The following PTBP2 variants were observed in gnomAD, a reference collection of about 807,000 sequenced individuals.
PTBP2 encodes polypyrimidine tract binding protein 2, also known as polypyrimidine tract-binding protein 2.
Under a neutral mutation model 61.4 loss-of-function variants are expected in PTBP2, and 13 were observed. That is an observed-to-expected ratio of 0.21 (90% CI 0.14 to 0.34). The LOEUF (loss-of-function observed/expected upper bound fraction) is 0.34. PTBP2 is among the 10% of genes least tolerant of loss of function. The pLI is 1.00. For missense variants in PTBP2, 405 were observed against 642.6 expected (o/e 0.63, Z 4.00); for synonymous variants, 215 against 218.5 (o/e 0.98, Z 0.14).
chr1:96,770,837 A>G lies in PTBP2; in HGVS notation c.418A>G (p.Asn140Asp), dbSNP rs780506244. ...GAATCACAAAGAACTAAAGACAGAT[A>G]ATACATTAAACCAAGTAAGTATGTG... ...YSNHKELKTD[N>D]TLNQRAQAVL... The change falls in exon 5 of 14, where the codon AAT becomes GAT. Residue 140 changes from asparagine (N) to aspartate (D), a missense_variant. By Grantham distance (23) the Asn-to-Asp change is conservative. Coordinates refer to ENST00000674951, the MANE Select transcript of PTBP2 (RefSeq NM_021190.4). The G allele has an allele frequency of 5.1e-6, 8 of 1,578,580 alleles. No individual in the cohort carries two copies. The highest frequency in any genetic ancestry group is 8.7e-7 in the Non-Finnish European group (1 of 1,148,138).
At chr1:96,734,903 CTTTT>C (rs369053938) in intron 2 of PTBP2, among the ~76,000 whole-genome samples, 32 of 124,956 alleles carry the variant, frequency 2.6e-4, no homozygotes, top group East Asian at 9.0e-4. Context: ...CTTTTTTTTT[CTTTT>C]TTTTTTTTTT....
intron 5 of PTBP2, among the ~76,000 whole-genome samples, chr1:96,771,755 G>C (rs955429175): frequency 6.6e-6 from 1 of 151,740 alleles, no homozygotes; most frequent in Admixed American, 6.6e-5. Flanking sequence ...ACAAATAATT[G>C]TTTATACTTA....
At chr1:96,813,230 T>G in intron 13 of PTBP2, 46 bp from the exon 14 acceptor site, 2 of 1,564,988 alleles carry the variant, frequency 1.3e-6, no homozygotes, top group South Asian at 2.4e-5. Flanking sequence ...AATAAGCCCT[T>G]TCTAATTTGT....
At position 96,770,791 on chromosome 1, in the gene PTBP2, A is replaced by G; in HGVS notation, c.372A>G (p.Gln124=). The change falls in exon 5 of 14, where the codon CAA becomes CAG. Residue 124 remains glutamine, a synonymous_variant. Transcript: ENST00000674951. The part of the protein sequence containing the change: ...YSAVTPHLRN[Q]PIYIQYSNHK... ...CTGTGACACCTCATCTTCGTAACCAACCAATATATATCCAGTACTCGAATC... is the reference window on the plus strand; with the variant it reads ...CTGTGACACCTCATCTTCGTAACCAGCCAATATATATCCAGTACTCGAATC... 3 of 1,591,806 alleles carry G rather than the reference A, an allele frequency of 1.9e-6. No homozygotes were observed. Among genetic ancestry groups the G allele is most frequent in the Admixed American group, 1.7e-5 (1 of 59,972 alleles).
At chr1:96,795,350 C>T (rs1284446099) in intron 8 of PTBP2, among the ~76,000 whole-genome samples, 2 of 152,070 alleles carry the variant, frequency 1.3e-5, no homozygotes, top group Non-Finnish European at 2.9e-5. Flanking sequence ...AGTAATAGGA[C>T]TTGGCATCTT....
At chr1:96,764,327 A>G (rs1656402214) in intron 3 of PTBP2, among the ~76,000 whole-genome samples, 1 of 152,218 alleles carries the variant, frequency 6.6e-6, no homozygotes, top group African/African-American at 2.4e-5. Flanking sequence ...ATATTTCAAA[A>G]ATACAACTGT....
chr1:96,729,211 A>G (rs1445589209), intron 2 of PTBP2, among the ~76,000 whole-genome samples: 1 of 152,090 alleles, frequency 6.6e-6, no homozygotes, highest in African/African-American at 2.4e-5. Flanking sequence ...CAGTTGAGGC[A>G]GGGTTTCACC....
intron 7 of PTBP2, among the ~76,000 whole-genome samples, chr1:96,780,811 G>C (rs1658569982): frequency 6.6e-6 from 1 of 152,040 alleles, no homozygotes; most frequent in Non-Finnish European, 1.5e-5. Context: ...TCTTCAAACA[G>C]TGTGTTCAAT....
chr1:96,780,363 T>G (rs2101053690), intron 7 of PTBP2, among the ~76,000 whole-genome samples: 1 of 152,064 alleles, frequency 6.6e-6, no homozygotes, highest in East Asian at 1.9e-4. Flanking sequence ...CTGCCTCCCC[T>G]CTCCCTTTTC....
At chr1:96,782,792 AT>A (rs1202113897) in intron 7 of PTBP2, among the ~76,000 whole-genome samples, 1 of 152,054 alleles carries the variant, frequency 6.6e-6, no homozygotes, top group East Asian at 1.9e-4. Context: ...GATGAGAAAA[AT>A]GGAAATAGTT....
intron 4 of PTBP2, among the ~76,000 whole-genome samples, chr1:96,770,347 A>G (rs1233667526): frequency 6.6e-6 from 1 of 152,078 alleles, no homozygotes; most frequent in Non-Finnish European, 1.5e-5. Context: ...TTGTCTCTAT[A>G]TAATTATACT....
rs567111054 is a variant in PTBP2, at chr1:96,732,632, A to C, written c.39+9038A>C. 7.4e-4 allele frequency among the ~76,000 whole-genome samples: 113 copies of C among 152,360 alleles called. 1 individual carries two copies. Among genetic ancestry groups the C allele is most frequent in the South Asian group, 5.0e-3 (24 of 4,830 alleles). On this transcript the variant is annotated intron_variant, in intron 2 of 13. Coordinates refer to ENST00000674951, the MANE Select transcript of PTBP2 (RefSeq NM_021190.4). ...GTCTTTTAGGACTTTAGTTAGAGAA[A>C]TAAGGACTCAAGGTTTTAATTAAGT...
chr1:96,813,226 C>G, intron 13 of PTBP2, 50 bp from the exon 14 acceptor site: 2 of 1,560,120 alleles, frequency 1.3e-6, no homozygotes, highest in Non-Finnish European at 1.7e-6. Context: ...ATTTAATAAG[C>G]CCTTTCTAAT....
At chr1:96,722,841 CAT>C (rs900110652) in intron 1 of PTBP2, among the ~76,000 whole-genome samples, 1 of 152,174 alleles carries the variant, frequency 6.6e-6, no homozygotes, top group South Asian at 2.1e-4. Context: ...ATGTCTCGCT[CAT>C]ATGCTTCACA....
exon 14 of PTBP2, chr1:96,822,831 A>T (rs1030468966): frequency 3.0e-4 from 46 of 152,360 alleles, no homozygotes; most frequent in Non-Finnish European, 1.9e-4. Flanking sequence ...TGGCAAAACC[A>T]TGGAAGAAAC....
chr1:96,788,305 A>G (rs1187555919), intron 8 of PTBP2, among the ~76,000 whole-genome samples: 1 of 152,114 alleles, frequency 6.6e-6, no homozygotes, highest in Non-Finnish European at 1.5e-5. Flanking sequence ...TTTTTGGAAA[A>G]GTATTTTTCA....
Position 96,764,001 on chromosome 1 carries a change from T to C in PTBP2, c.116-5702T>C, listed in dbSNP as rs189531777. Among the ~76,000 whole-genome samples, 347 of 152,340 alleles carry C rather than the reference T, an allele frequency of 2.3e-3. 3 individuals carry two copies. The South Asian group carries it at 0.023, about 10-fold the overall frequency. ...AGACAATGTTACAAGGACACTTTTA[T>C]GGTTATCAGATATAGTACAGGATTT... On this transcript the variant is annotated intron_variant, in intron 3 of 13. Transcript: ENST00000674951.
chr1:96,777,677 A>G lies in PTBP2; in HGVS notation c.525A>G (p.Pro175=), dbSNP rs762036104. 1 of 1,613,302 alleles carries G rather than the reference A, an allele frequency of 6.2e-7. No homozygotes were observed. The highest frequency in any genetic ancestry group is 8.5e-7 in the Non-Finnish European group (1 of 1,179,450). Residue 175 remains proline (P), a synonymous_variant, in exon 6 of 14, where the codon CCA becomes CCG. Transcript: ENST00000674951. ...CAGTTAGCGAGAGTGCAGTGACTCCAGCCCAGAGTCCAGTACTTAGAATAA... is the reference window on the plus strand; with the variant it reads ...CAGTTAGCGAGAGTGCAGTGACTCCGGCCCAGAGTCCAGTACTTAGAATAA... ...GTTVSESAVT[P]AQSPVLRIII... is the part of the protein sequence containing the mutation.
rs889481355 is a variant in PTBP2, at chr1:96,770,839, T to C, written c.420T>C (p.Asn140=). ...YSNHKELKTD[N]TLNQRAQAVL... is the part of the protein sequence containing the mutation. ...ATCACAAAGAACTAAAGACAGATAA[T>C]ACATTAAACCAAGTAAGTATGTGTA... The change falls in exon 5 of 14, where the codon AAT becomes AAC. Residue 140 remains asparagine (N), a synonymous_variant. Coordinates refer to ENST00000674951, the MANE Select transcript of PTBP2 (RefSeq NM_021190.4). The C allele has an allele frequency of 3.2e-6, 5 of 1,576,124 alleles. No individual in the cohort carries two copies. Among genetic ancestry groups the C allele is most frequent in the Non-Finnish European group, 4.4e-6 (5 of 1,145,916 alleles).
Sources: allele counts gnomAD v4.1 joint callset (sites outside exome capture counted in the v4.1 genomes callset), GRCh38; gene constraint gnomAD v4.1.1; transcripts MANE v1.5; gene names NCBI Gene and HGNC (gene_info 2026-07-23, HGNC 2026-07-21).